Variants in CABIN1 observed in about 807,000 individuals in gnomAD.
The protein encoded by CABIN1 is calcineurin binding protein 1.
Under a neutral mutation model 227.7 loss-of-function variants are expected in CABIN1, and 133 were observed. That is an observed-to-expected ratio of 0.58 (90% confidence interval 0.51 to 0.67). CABIN1 has a LOEUF of 0.67. Ranked by LOEUF, CABIN1 falls within the 30% of genes least tolerant of loss-of-function variation. CABIN1 has a pLI of 0.00. For missense variants in CABIN1, 2,408 were observed against 2,852.5 expected (o/e 0.84, Z 3.55); for synonymous variants, 1,086 against 1,155.1 (o/e 0.94, Z 1.21).
At chr22:24,113,345 G>A (rs940291361) in intron 26 of CABIN1, among the ~76,000 whole-genome samples, 1 of 152,214 alleles carries the variant, frequency 6.6e-6, no homozygotes, top group African/African-American at 2.4e-5. Context: ...CTGTTTGGGG[G>A]AACCCCAGGA....
chr22:24,017,472 A>T (rs1182566459), intron 1 of CABIN1, among the ~76,000 whole-genome samples: 2 of 152,208 alleles, frequency 1.3e-5, no homozygotes, highest in African/African-American at 4.8e-5. Context: ...GTATCCATTA[A>T]ACAGGAATTC....
intron 29 of CABIN1, among the ~76,000 whole-genome samples, chr22:24,140,286 A>G (rs919134095): frequency 5.9e-5 from 9 of 152,230 alleles, no homozygotes; most frequent in Non-Finnish European, 1.0e-4. Flanking sequence ...ACAGCAGCAC[A>G]GATGGACGTG....
chr22:24,120,362 C>T (rs1304661248), intron 28 of CABIN1, among the ~76,000 whole-genome samples: 1 of 152,204 alleles, frequency 6.6e-6, no homozygotes, highest in Admixed American at 6.5e-5. Flanking sequence ...CCAGCCAGAC[C>T]TCTTCTGCTG....
Position 24,042,818 on chromosome 22 carries a change from CTGTGTGTGTGTGTGTGTG to C in CABIN1, c.346-44_346-27del, listed in dbSNP as rs56070926. 8.6e-4 allele frequency: 590 copies of C among 687,196 alleles called. 1 individual carries two copies. The highest frequency in any genetic ancestry group is 2.8e-3 in the Middle Eastern group (6 of 2,160). 42.6% of individuals were successfully genotyped at this position (687,196 alleles called of 1,614,324 possible). A position where few individuals can be genotyped will look rare whatever the true frequency, so the allele number is the denominator to read the frequency against. ...GGTGCATATTCAAGGAGAGATCTGA[CTGTGTGTGTGTGTGTGTG>C]TGTGTGTGTGTGTGTGTGTGTGTGT... On this transcript the variant is annotated intron_variant, in intron 5 of 36. Transcript: ENST00000263119.
chr22:24,161,418 G>T (rs1244936869), intron 29 of CABIN1, among the ~76,000 whole-genome samples: 4 of 152,218 alleles, frequency 2.6e-5, no homozygotes, highest in African/African-American at 4.8e-5. Flanking sequence ...CAGCAAGTGT[G>T]CCTGTGGAAC....
At chr22:24,169,686 C>T (rs146098437) in intron 33 of CABIN1, among the ~76,000 whole-genome samples, 104 of 152,344 alleles carry the variant, frequency 6.8e-4, no homozygotes, top group African/African-American at 2.4e-3. Flanking sequence ...ACCAGGGTGC[C>T]CCTGCCTCCT....
chr22:24,118,094 C>T (rs774001513), intron 27 of CABIN1, among the ~76,000 whole-genome samples: 30 of 151,970 alleles, frequency 2.0e-4, no homozygotes, highest in Non-Finnish European at 4.1e-4. Context: ...ATGGTAGGCT[C>T]TGGGCCTGGG....
At chr22:24,170,618 C>CCTGGGCACATCCCA (rs2046743551) in intron 33 of CABIN1, among the ~76,000 whole-genome samples, 1 of 152,180 alleles carries the variant, frequency 6.6e-6, no homozygotes, top group South Asian at 2.1e-4. Context: ...AGAGCACCGG[C>CCTGGGCACATCCCA]CTGGGGCACA....
intron 29 of CABIN1, chr22:24,155,824 T>G: frequency 2.4e-6 from 1 of 419,446 alleles, no homozygotes; most frequent in South Asian, 5.0e-5. Flanking sequence ...CTTCCTGCAG[T>G]GAGAGCTGCA....
At chr22:24,163,888 A>G (rs1291169160) in intron 29 of CABIN1, among the ~76,000 whole-genome samples, 1 of 152,214 alleles carries the variant, frequency 6.6e-6, no homozygotes, top group Non-Finnish European at 1.5e-5. Flanking sequence ...AGAAGTGGGA[A>G]GAGGGAGGGG....
At chr22:24,050,054 C>G (rs1279864206) in intron 7 of CABIN1, among the ~76,000 whole-genome samples, 1 of 152,202 alleles carries the variant, frequency 6.6e-6, no homozygotes, top group Non-Finnish European at 1.5e-5. Context: ...CCACAGCCCT[C>G]CAGCCCAGCC....
intron 7 of CABIN1, 42 bp from the exon 8 acceptor site, chr22:24,050,783 G>C (rs1275754419): frequency 6.2e-7 from 1 of 1,613,484 alleles, no homozygotes. Context: ...CTCAGTTTTA[G>C]TTTGTAACAT....
intron 29 of CABIN1, among the ~76,000 whole-genome samples, chr22:24,163,200 C>G (rs1331903889): frequency 1.3e-5 from 2 of 152,170 alleles, no homozygotes; most frequent in Non-Finnish European, 2.9e-5. Context: ...CAGGTGGACC[C>G]TCCATGTCAC....
intron 1 of CABIN1, among the ~76,000 whole-genome samples, chr22:24,033,668 T>G (rs1419478085): frequency 6.6e-6 from 1 of 152,142 alleles, no homozygotes; most frequent in Non-Finnish European, 1.5e-5. Flanking sequence ...AGGTGTCAGG[T>G]CCTGTGAGTC....
intron 1 of CABIN1, among the ~76,000 whole-genome samples, chr22:24,024,264 A>G (rs1474651414): frequency 3.3e-5 from 5 of 152,086 alleles, no homozygotes; most frequent in African/African-American, 1.2e-4. Flanking sequence ...TTACATATGT[A>G]TACATGTGCT....
chr22:24,019,169 C>T (rs1189641316), intron 1 of CABIN1, among the ~76,000 whole-genome samples: 3 of 118,610 alleles, frequency 2.5e-5, no homozygotes, highest in Non-Finnish European at 4.8e-5. Context: ...CTCACTCTGT[C>T]GCCCAGGCTG....
At chr22:24,020,586 G>C (rs575300624) in intron 1 of CABIN1, among the ~76,000 whole-genome samples, 4 of 152,206 alleles carry the variant, frequency 2.6e-5, no homozygotes, top group South Asian at 4.1e-4. Flanking sequence ...ATTATAGGCA[G>C]ATTACAGTCA....
chr22:24,119,241 T>C (rs1340386914), intron 27 of CABIN1, 126 bp from the exon 28 acceptor site: 2 of 845,730 alleles, frequency 2.4e-6, no homozygotes, highest in Admixed American at 3.8e-5. Context: ...CAGCATCCAC[T>C]CAGCAAGGGC....
intron 31 of CABIN1, 106 bp downstream of exon 31, chr22:24,165,732 G>C: frequency 3.2e-5 from 28 of 878,216 alleles, no homozygotes; most frequent in Non-Finnish European, 4.2e-5. Flanking sequence ...TAGGCAGGAT[G>C]TGCCTAAGGG....
Sources: allele counts gnomAD v4.1 joint callset (sites outside exome capture counted in the v4.1 genomes callset), GRCh38; gene constraint gnomAD v4.1.1; transcripts MANE v1.5; gene names NCBI Gene and HGNC (gene_info 2026-07-23, HGNC 2026-07-21).